SBF2: variants seen among roughly 807,000 people sequenced by gnomAD.
SBF2 encodes the protein SET binding factor 2.
Under a neutral mutation model 225.2 loss-of-function variants are expected in SBF2, and 112 were observed. The ratio of observed to expected loss-of-function variants is 0.50; its 90% CI spans 0.43 to 0.58. The LOEUF (loss-of-function observed/expected upper bound fraction) is 0.58, where lower values mean the gene tolerates loss of function less well. SBF2 is among the 20% of genes least tolerant of loss of function. The pLI, the probability that SBF2 is intolerant of heterozygous loss-of-function variation, is 0.00. For missense variants in SBF2, 1,996 were observed against 2,206.2 expected (o/e 0.90, Z 1.91); for synonymous variants, 763 against 773.3 (o/e 0.99, Z 0.22).
chr11:10,050,914 G>T (rs919831719), intron 2 of SBF2, among the ~76,000 whole-genome samples: 2 of 152,080 alleles, frequency 1.3e-5, no homozygotes, highest in African/African-American at 4.8e-5. Flanking sequence ...TTGACCATGG[G>T]TAAATAAAAC....
intron 1 of SBF2, among the ~76,000 whole-genome samples, chr11:10,259,600 T>G (rs984345109): frequency 6.6e-6 from 1 of 152,184 alleles, no homozygotes; most frequent in Non-Finnish European, 1.5e-5. Flanking sequence ...CCCTTTGTAC[T>G]TTTTATAGAA....
At position 10,239,721 on chromosome 11, in the gene SBF2, C is replaced by T. The variant is rs188073958; in HGVS notation, c.56-45734G>A. 2.1e-4 allele frequency among the ~76,000 whole-genome samples: 31 copies of T among 147,144 alleles called. No individual in the cohort carries two copies. In the East Asian group the frequency reaches 6.1e-3, roughly 29 times the overall value. Reference sequence around the variant, plus strand: ...TTTTTTATTTTACAAAAGACCGTGACGTCACAACAATGGTCAAGAGAAAAC... The same window carrying T: ...TTTTTTATTTTACAAAAGACCGTGATGTCACAACAATGGTCAAGAGAAAAC... On this transcript the variant is annotated intron_variant, in intron 1 of 39. Coordinates refer to ENST00000256190, the MANE Select transcript of SBF2 (RefSeq NM_030962.4).
intron 2 of SBF2, among the ~76,000 whole-genome samples, chr11:10,100,328 G>A (rs947053369): frequency 7.9e-5 from 12 of 152,312 alleles, no homozygotes; most frequent in African/African-American, 2.9e-4. Context: ...TTACAAATTT[G>A]GAGGCTCGTC....
At chr11:9,996,821 C>G (rs1057346398) in intron 9 of SBF2, among the ~76,000 whole-genome samples, 1 of 152,156 alleles carries the variant, frequency 6.6e-6, no homozygotes, top group African/African-American at 2.4e-5. Flanking sequence ...CATATTACCC[C>G]AAATCATCAC....
At chr11:9,822,256 C>CTCT in intron 28 of SBF2, among the ~76,000 whole-genome samples, 1 of 146,970 alleles carries the variant, frequency 6.8e-6, no homozygotes, top group South Asian at 2.2e-4. Context: ...TGTAACTAAA[C>CTCT]TCTTTTTTTT....
At chr11:10,179,827 T>C (rs889684601) in intron 2 of SBF2, among the ~76,000 whole-genome samples, 2 of 152,148 alleles carry the variant, frequency 1.3e-5, no homozygotes, top group South Asian at 2.1e-4. Context: ...TGGTGGTATG[T>C]TTTCATTTAT....
intron 6 of SBF2, among the ~76,000 whole-genome samples, chr11:10,003,908 C>T (rs1031134605): frequency 1.3e-5 from 2 of 152,090 alleles, no homozygotes; most frequent in Non-Finnish European, 2.9e-5. Context: ...ATCATACACA[C>T]CCGGTAAAGC....
chr11:10,153,778 G>T (rs1406600526), intron 2 of SBF2, among the ~76,000 whole-genome samples: 6 of 152,018 alleles, frequency 3.9e-5, no homozygotes, highest in Non-Finnish European at 7.4e-5. Flanking sequence ...AGGGAAAAAA[G>T]AAAGAAGGAA....
chr11:10,284,339 CCAGT>C (rs1302268905), intron 1 of SBF2, among the ~76,000 whole-genome samples: 1 of 152,122 alleles, frequency 6.6e-6, no homozygotes, highest in East Asian at 1.9e-4. Context: ...TATCCACCAC[CCAGT>C]CAAAATATAA....
At chr11:10,183,703 A>T (rs1956822597) in intron 2 of SBF2, among the ~76,000 whole-genome samples, 1 of 152,308 alleles carries the variant, frequency 6.6e-6, no homozygotes, top group Admixed American at 6.5e-5. Flanking sequence ...CGGTCCAAAA[A>T]CCAATTTATG....
intron 25 of SBF2, among the ~76,000 whole-genome samples, chr11:9,840,286 A>C (rs1856038445): frequency 6.6e-6 from 1 of 151,250 alleles, no homozygotes; most frequent in South Asian, 2.1e-4. Context: ...CTACTTTTGA[A>C]GAAGACTCTT....
chr11:10,267,782 A>C (rs1962136320), intron 1 of SBF2, among the ~76,000 whole-genome samples: 1 of 152,146 alleles, frequency 6.6e-6, no homozygotes, highest in Non-Finnish European at 1.5e-5. Flanking sequence ...TAGCAGTGAA[A>C]GGGAGTTTAA....
At chr11:10,262,766 G>T (rs1338751463) in intron 1 of SBF2, among the ~76,000 whole-genome samples, 1 of 151,948 alleles carries the variant, frequency 6.6e-6, no homozygotes, top group African/African-American at 2.4e-5. Flanking sequence ...TGATTTTTTT[G>T]AGTCCTTGAT....
At chr11:10,236,267 C>T (rs1156292141) in intron 1 of SBF2, among the ~76,000 whole-genome samples, 2 of 152,130 alleles carry the variant, frequency 1.3e-5, no homozygotes, top group African/African-American at 4.8e-5. Flanking sequence ...GCCTGGGCAA[C>T]ATAGTAAGAT....
intron 1 of SBF2, among the ~76,000 whole-genome samples, chr11:10,270,391 A>T (rs1261215862): frequency 6.6e-6 from 1 of 152,206 alleles, no homozygotes; most frequent in Admixed American, 6.5e-5. Context: ...ACTAGAGAAA[A>T]GAAAATGTTA....
intron 17 of SBF2, among the ~76,000 whole-genome samples, chr11:9,881,882 A>G (rs1859790795): frequency 6.6e-6 from 1 of 152,136 alleles, no homozygotes; most frequent in Admixed American, 6.6e-5. Context: ...CAGCTACTAA[A>G]GAGGCTGAGG....
Position 9,785,323 on chromosome 11 carries a change from A to G in SBF2, c.5038-5T>C. The G allele has an allele frequency of 6.2e-7, 1 of 1,613,088 alleles. No individual in the cohort carries two copies. The highest frequency in any genetic ancestry group is 8.5e-7 in the Non-Finnish European group (1 of 1,179,056). On this transcript the variant is annotated splice_polypyrimidine_tract_variant and splice_region_variant and intron_variant, in intron 36 of 39. Coordinates refer to ENST00000256190, the MANE Select transcript of SBF2 (RefSeq NM_030962.4). ...TCTCGACAGGTGTCTTTGGGACTGAAAAAGACAGGACAGGAGCTAGGAAAC... is the reference window on the plus strand; with the variant it reads ...TCTCGACAGGTGTCTTTGGGACTGAGAAAGACAGGACAGGAGCTAGGAAAC...
chr11:10,143,360 CG>C (rs1249951399), intron 2 of SBF2, among the ~76,000 whole-genome samples: 1 of 152,018 alleles, frequency 6.6e-6, no homozygotes, highest in Non-Finnish European at 1.5e-5. Flanking sequence ...TTAGTAGAAA[CG>C]GGGTTTCACC....
At chr11:10,156,313 C>T (rs941299646) in intron 2 of SBF2, among the ~76,000 whole-genome samples, 4 of 152,186 alleles carry the variant, frequency 2.6e-5, no homozygotes, top group Admixed American at 6.5e-5. Context: ...GGGAGGGTGG[C>T]CTGGGGTGAA....
Sources: allele counts gnomAD v4.1 joint callset (sites outside exome capture counted in the v4.1 genomes callset), GRCh38; gene constraint gnomAD v4.1.1; transcripts MANE v1.5; gene names NCBI Gene and HGNC (gene_info 2026-07-23, HGNC 2026-07-21).